The following TARBP1 variants were observed in gnomAD, a reference collection of about 807,000 sequenced individuals.
TARBP1 encodes the protein tRNA guanosine 2 -O-methyltransferase TARBP1.
TARBP1 carries 144 observed loss-of-function variants against 178.6 expected under a neutral mutation model. The observed-to-expected ratio is 0.81, with a 90% confidence interval of 0.70 to 0.93. TARBP1 has a LOEUF of 0.93. Ranked by LOEUF, TARBP1 falls within the 40% of genes least tolerant of loss-of-function variation. The probability of loss-of-function intolerance (pLI) is 0.00; values close to 1 mark genes in which losing one functional copy is unlikely to be tolerated. For synonymous variants in TARBP1, 787 were observed against 781.0 expected (o/e 1.01, Z -0.13); for missense variants, 2,067 against 2,011.7 (o/e 1.03, Z -0.53).
chr1:234,477,140 G>T (rs1271621838), intron 1 of TARBP1, among the ~76,000 whole-genome samples: 1 of 152,228 alleles, frequency 6.6e-6, no homozygotes, highest in South Asian at 2.1e-4. Flanking sequence ...AGCGGAGATT[G>T]TGCCATTGCA....
In TARBP1 at chr1:234,460,285, C is replaced by A; in HGVS notation, c.1511G>T (p.Gly504Val). 1 of 1,614,068 alleles carries A rather than the reference C, an allele frequency of 6.2e-7. No individual in the cohort carries two copies. The highest frequency in any genetic ancestry group is 8.5e-7 in the Non-Finnish European group (1 of 1,180,020). ...LANVPRHKAL[G>V]IDGLLALRDV... ...CCTGAGAGCAAGAAGCCCATCTATA[C>A]CCAGGGCCTTATGTCTTGGGACATT... Residue 504 changes from glycine (G) to valine (V), a missense_variant, in exon 7 of 30, where the codon GGT (glycine) becomes GTT (valine). Physicochemically the swap from Gly to Val is moderately radical, Grantham distance 109. Transcript: ENST00000040877.
chr1:234,478,162 G>C lies in TARBP1; in HGVS notation c.931+11C>G. The C allele has an allele frequency of 6.2e-7, 1 of 1,611,414 alleles. No individual in the cohort carries two copies. Among genetic ancestry groups the C allele is most frequent in the Non-Finnish European group, 8.5e-7 (1 of 1,179,224 alleles). On this transcript the variant is annotated intron_variant, in intron 1 of 29. Coordinates refer to ENST00000040877, the MANE Select transcript of TARBP1 (RefSeq NM_005646.4). ...AGGTAGCACTAGGCTGGGGGGCAAA[G>C]AGGCAGGTACCGTTTCCTTCCTGGG...
intron 3 of TARBP1, among the ~76,000 whole-genome samples, chr1:234,470,068 A>C (rs1668884312): frequency 6.6e-6 from 1 of 152,156 alleles, no homozygotes; most frequent in African/African-American, 2.4e-5. Context: ...GGAGTTTGAG[A>C]CCAGCCTGGC....
In TARBP1 at chr1:234,394,841, C is replaced by G. The variant is rs181114222; in HGVS notation, c.4244-1004G>C. On this transcript the variant is annotated intron_variant, in intron 26 of 29. Coordinates refer to ENST00000040877, the MANE Select transcript of TARBP1 (RefSeq NM_005646.4). ...GGCATGGTGGCTCATGCCTGTAATC[C>G]CAGAACTTTGGGAGGCTGAGGGAGG... Among the ~76,000 whole-genome samples, 179 of 152,232 alleles carry G rather than the reference C, an allele frequency of 1.2e-3. 2 individuals carry two copies. Among genetic ancestry groups the G allele is most frequent in the Admixed American group, 0.01 (155 of 15,296 alleles).
chr1:234,464,514 A>C (rs533354936), intron 5 of TARBP1, among the ~76,000 whole-genome samples: 3 of 152,354 alleles, frequency 2.0e-5, no homozygotes, highest in African/African-American at 7.2e-5. Context: ...AACTCTTAGA[A>C]AACACCAAGA....
intron 4 of TARBP1, 48 bp from the exon 5 acceptor site, chr1:234,465,756 A>G (rs1668373648): frequency 6.6e-7 from 1 of 1,509,208 alleles, no homozygotes; most frequent in African/African-American, 1.4e-5. Flanking sequence ...TTAGTTGTAA[A>G]TACAATTTTG....
intron 21 of TARBP1, among the ~76,000 whole-genome samples, chr1:234,420,446 C>CT (rs1462579713): frequency 6.6e-6 from 1 of 152,120 alleles, no homozygotes; most frequent in African/African-American, 2.4e-5. Context: ...TAAAATGTCA[C>CT]ATTAAAACAC....
At chr1:234,413,074 C>T (rs1260761516) in intron 22 of TARBP1, among the ~76,000 whole-genome samples, 1 of 152,162 alleles carries the variant, frequency 6.6e-6, no homozygotes, top group Non-Finnish European at 1.5e-5. Context: ...GCTGGAGACA[C>T]AGAGTGGGAG....
intron 8 of TARBP1, among the ~76,000 whole-genome samples, chr1:234,458,627 GCTGACCC>G (rs1667533066): frequency 6.6e-6 from 1 of 152,222 alleles, no homozygotes; most frequent in Non-Finnish European, 1.5e-5. Context: ...GAAAGAGTTT[GCTGACCC>G]CTGTAGTAAG....
chr1:234,463,591 C>T (rs921394484), intron 6 of TARBP1, among the ~76,000 whole-genome samples: 1 of 152,184 alleles, frequency 6.6e-6, no homozygotes, highest in African/African-American at 2.4e-5. Flanking sequence ...GGCTAAACTG[C>T]AGCACACCTT....
At chr1:234,411,662 A>G (rs1661834266) in intron 22 of TARBP1, among the ~76,000 whole-genome samples, 1 of 152,232 alleles carries the variant, frequency 6.6e-6, no homozygotes, top group South Asian at 2.1e-4. Context: ...CGAAAAACCT[A>G]TAGAAGACTT....
chr1:234,448,449 AGG>A, intron 11 of TARBP1, 29 bp downstream of exon 11: 1 of 1,579,742 alleles, frequency 6.3e-7, no homozygotes, highest in Non-Finnish European at 8.7e-7. Flanking sequence ...TTTTTCAAAT[AGG>A]CTTTCTTTTC....
Position 234,478,196 on chromosome 1 carries a change from G to A in TARBP1, c.908C>T (p.Thr303Ile), listed in dbSNP as rs755445597. 3 of 1,611,836 alleles carry A rather than the reference G, an allele frequency of 1.9e-6. No homozygotes were observed. The highest frequency in any genetic ancestry group is 2.2e-5 in the South Asian group (2 of 90,944). The change falls in exon 1 of 30, where the codon ACC (threonine) becomes ATC (isoleucine). Residue 303 changes from threonine to isoleucine, a missense_variant. Thr to Ile is a moderately conservative substitution (Grantham distance 89). Coordinates refer to ENST00000040877, the MANE Select transcript of TARBP1 (RefSeq NM_005646.4). ...EVSAELGADCTCGPQEGNGPS... is the reference protein window; with the variant it reads ...EVSAELGADCICGPQEGNGPS... ...ACCGTTTCCTTCCTGGGGCCCGCAG[G>A]TGCAGTCGGCCCCCAGCTCCGCCGA...
intron 24 of TARBP1, among the ~76,000 whole-genome samples, chr1:234,404,061 G>A (rs567778982): frequency 5.1e-4 from 78 of 152,230 alleles, no homozygotes; most frequent in African/African-American, 1.7e-3. Flanking sequence ...TTAAAAGTGC[G>A]TTTTATTGCT....
At chr1:234,395,992 A>G (rs1345513991) in intron 26 of TARBP1, among the ~76,000 whole-genome samples, 2 of 152,202 alleles carry the variant, frequency 1.3e-5, no homozygotes, top group Non-Finnish European at 2.9e-5. Context: ...TACACAATGT[A>G]TATATGCATG....
intron 12 of TARBP1, among the ~76,000 whole-genome samples, chr1:234,438,926 T>A (rs1039015548): frequency 6.6e-6 from 1 of 152,188 alleles, no homozygotes; most frequent in Non-Finnish European, 1.5e-5. Context: ...AAAACCTGAC[T>A]ACTATGGAGT....
intron 13 of TARBP1, 90 bp from the exon 14 acceptor site, chr1:234,433,661 A>C (rs1664707989): frequency 8.0e-7 from 1 of 1,252,054 alleles, no homozygotes; most frequent in African/African-American, 1.5e-5. Context: ...AGTTTACTTA[A>C]AGGACCACAA....
chr1:234,468,120 G>A (rs1668639008), intron 3 of TARBP1, among the ~76,000 whole-genome samples: 2 of 147,790 alleles, frequency 1.4e-5, no homozygotes, highest in Non-Finnish European at 3.0e-5. Context: ...AAAAAATTTT[G>A]GTATTCAGTA....
chr1:234,425,211 G>A (rs528806798), intron 20 of TARBP1, among the ~76,000 whole-genome samples: 4 of 152,132 alleles, frequency 2.6e-5, no homozygotes, highest in East Asian at 1.9e-4. Flanking sequence ...CAGCCTGGGC[G>A]ACAGAGCAAG....
Sources: gnomAD v4.1 joint callset for allele counts (sites outside exome capture counted in the v4.1 genomes callset) on GRCh38, gnomAD v4.1.1 for gene constraint, MANE v1.5 for transcripts, NCBI Gene and HGNC (gene_info 2026-07-23, HGNC 2026-07-21) for gene names.